Variants in IARS1 observed in about 807,000 individuals in gnomAD.
IARS1 encodes the protein isoleucine--tRNA ligase, cytoplasmic.
Under a neutral mutation model 168.2 loss-of-function variants are expected in IARS1, and 124 were observed. The observed-to-expected ratio is 0.74, with a 90% CI of 0.64 to 0.86. The LOEUF (loss-of-function observed/expected upper bound fraction) is 0.86, where lower values mean the gene tolerates loss of function less well. Ranked by LOEUF, IARS1 falls within the 40% of genes least tolerant of loss-of-function variation. The pLI is 0.00. For missense variants in IARS1, 1,452 were observed against 1,515.8 expected (o/e 0.96, Z 0.70); for synonymous variants, 532 against 529.4 (o/e 1.00, Z -0.07).
rs779862520 is a variant in IARS1, at chr9:92,271,639, C to T, written c.1007G>A (p.Cys336Tyr). ...PYFGAEDYRV[C>Y]MDFNIIRKDS... ...TTTCCGAATAATGTTAAAGTCCATA[C>T]AGACCCGATAGTCCTCCTGAGAAAA... The change falls in exon 11 of 34, where the codon TGT becomes TAT. Residue 336 changes from cysteine (C) to tyrosine (Y), a missense_variant. Transcript: ENST00000443024. The T allele has an allele frequency of 3.1e-6, 5 of 1,614,060 alleles. No individual in the cohort carries two copies. The Admixed American group carries it at 5.0e-5, about 16-fold the overall frequency.
At chr9:92,245,514 G>A (rs535069436) in intron 26 of IARS1, among the ~76,000 whole-genome samples, 7 of 152,268 alleles carry the variant, frequency 4.6e-5, no homozygotes, top group South Asian at 2.1e-4. Flanking sequence ...AAAATGAGAC[G>A]GGCAGTGTGT....
At chr9:92,257,333 C>G (rs1057351138) in intron 19 of IARS1, among the ~76,000 whole-genome samples, 1 of 152,220 alleles carries the variant, frequency 6.6e-6, no homozygotes, top group Non-Finnish European at 1.5e-5. Flanking sequence ...GCACCACAAC[C>G]AGGCTAGCGG....
chr9:92,252,335 T>A, intron 21 of IARS1: 1 of 503,234 alleles, frequency 2.0e-6, no homozygotes, highest in Admixed American at 2.1e-5. Context: ...TTGTTTTTCC[T>A]ACAATCATAA....
intron 30 of IARS1, among the ~76,000 whole-genome samples, chr9:92,239,632 G>A (rs1016270972): frequency 6.6e-6 from 1 of 152,202 alleles, no homozygotes; most frequent in African/African-American, 2.4e-5. Flanking sequence ...TGGGAGGGAT[G>A]CCTTGTTACT....
intron 7 of IARS1, 69 bp downstream of exon 7, chr9:92,280,677 C>A: frequency 1.0e-6 from 1 of 989,284 alleles, no homozygotes; most frequent in Non-Finnish European, 1.5e-6. Flanking sequence ...GAAAGGTAAG[C>A]TTTCATATTT....
Position 92,278,253 on chromosome 9 carries a change from T to G in IARS1, c.779A>C (p.Glu260Ala), listed in dbSNP as rs1834040327. The G allele has an allele frequency of 1.2e-6, 2 of 1,612,672 alleles. No individual in the cohort carries two copies. The highest frequency in any genetic ancestry group is 1.7e-6 in the Non-Finnish European group (2 of 1,178,678). ...TTTATAGAGGGCTGACAATCTGGCT[T>G]CCATTAAAATGAGTAATCGTCCTCT... ...VARGRLLILM[E>A]ARLSALYKLE... is the part of the protein sequence containing the mutation. Residue 260 changes from glutamate to alanine, a missense_variant, in exon 8 of 34, where the codon GAA becomes GCA. Coordinates refer to ENST00000443024, the MANE Select transcript of IARS1 (RefSeq NM_002161.6).
intron 31 of IARS1, among the ~76,000 whole-genome samples, chr9:92,228,020 C>T (rs1014090845): frequency 1.3e-4 from 20 of 152,066 alleles, no homozygotes; most frequent in South Asian, 4.1e-4. Context: ...GCTGAGATCA[C>T]GCCACTGCAC....
At chr9:92,279,257 G>A (rs1031683831) in intron 7 of IARS1, among the ~76,000 whole-genome samples, 1 of 152,208 alleles carries the variant, frequency 6.6e-6, no homozygotes, top group Non-Finnish European at 1.5e-5. Flanking sequence ...CATTGTAAGT[G>A]GGGACCACAG....
chr9:92,278,844 A>T (rs1341257303), intron 7 of IARS1, among the ~76,000 whole-genome samples: 2 of 152,176 alleles, frequency 1.3e-5, no homozygotes, highest in South Asian at 2.1e-4. Context: ...GCTCTATGGG[A>T]CGCTATTTTA....
At position 92,228,745 on chromosome 9, in the gene IARS1, C is replaced by G. The variant is rs115031466; in HGVS notation, c.3409+256G>C. ...AAAAACAACCTCACAACAGAGGACTCTGAAGCCTGAAGTCCACCAGCTAGC... is the reference window on the plus strand; with the variant it reads ...AAAAACAACCTCACAACAGAGGACTGTGAAGCCTGAAGTCCACCAGCTAGC... On this transcript the variant is annotated intron_variant, in intron 31 of 33. Transcript: ENST00000443024. 9.7e-3 allele frequency among the ~76,000 whole-genome samples: 1,479 copies of G among 152,182 alleles called. 22 individuals carry two copies. Among genetic ancestry groups the G allele is most frequent in the African/African-American group, 0.031 (1,300 of 41,496 alleles).
At position 92,223,425 on chromosome 9, in the gene IARS1, C is replaced by T. The variant is rs774780514; in HGVS notation, c.3474G>A (p.Ser1158=). The change falls in exon 32 of 34, where the codon TCG becomes TCA. Residue 1158 remains serine (S), a synonymous_variant. Transcript: ENST00000443024. The part of the protein sequence containing the change: ...SGKTLCVTAG[S]APSLINSSST... Reference sequence around the variant, plus strand: ...TAGAACTGTTGATCAGAGAGGGAGCCGATCCTGCAGTCACACAAAGTGTTT... The same window carrying T: ...TAGAACTGTTGATCAGAGAGGGAGCTGATCCTGCAGTCACACAAAGTGTTT... 1.2e-5 allele frequency: 20 copies of T among 1,613,796 alleles called. No homozygotes were observed. The highest frequency in any genetic ancestry group is 8.0e-5 in the African/African-American group (6 of 74,902).
chr9:92,288,083 TA>T (rs371858783), intron 3 of IARS1, 42 bp downstream of exon 3: 57 of 1,581,262 alleles, frequency 3.6e-5, no homozygotes, highest in Admixed American at 9.4e-5. Flanking sequence ...CTAATGCTTA[TA>T]AAAAAAATCA....
At chr9:92,220,853 G>A (rs1165925611) in intron 33 of IARS1, among the ~76,000 whole-genome samples, 2 of 151,836 alleles carry the variant, frequency 1.3e-5, no homozygotes, top group Non-Finnish European at 2.9e-5. Flanking sequence ...TGTAGTCCTA[G>A]CTAGGGAGGC....
At chr9:92,290,389 G>C (rs1836132041) in intron 1 of IARS1, among the ~76,000 whole-genome samples, 1 of 151,988 alleles carries the variant, frequency 6.6e-6, no homozygotes, top group African/African-American at 2.4e-5. Flanking sequence ...TTTTCTAATT[G>C]GGCTCTTTTT....
rs944630391 is a variant in IARS1 at position 92,258,763 on chromosome 9, A to G, written c.2016+91T>C. On this transcript the variant is annotated intron_variant, in intron 19 of 33. Coordinates refer to ENST00000443024, the MANE Select transcript of IARS1 (RefSeq NM_002161.6). ...TCAGGCAGCAGAGAACAGCAGCCCTAAAGTCTCACACAGAGCTCCACCTCA... is the reference window on the plus strand; with the variant it reads ...TCAGGCAGCAGAGAACAGCAGCCCTGAAGTCTCACACAGAGCTCCACCTCA... The G allele has an allele frequency of 7.5e-6, 10 of 1,331,614 alleles. No individual in the cohort carries two copies. In the Admixed American group the frequency reaches 1.4e-4, roughly 18 times the overall value. The allele number at this position is 1,331,614 out of a possible 1,614,324, so 82.5% of individuals were successfully genotyped here.
Position 92,249,925 on chromosome 9 carries a change from A to G in IARS1, c.2549T>C (p.Ile850Thr), listed in dbSNP as rs1829767445. Reference protein sequence around the residue: ...TIPIKYPLKEIVVIHQDPEAL... With the variant: ...TIPIKYPLKETVVIHQDPEAL... ...TTCTGGATCTTGATGGATAACCACAATTTCTTTCAAAGGATACTAGGAGGA... is the reference window on the plus strand; with the variant it reads ...TTCTGGATCTTGATGGATAACCACAGTTTCTTTCAAAGGATACTAGGAGGA... Residue 850 changes from isoleucine (I) to threonine (T), a missense_variant, in exon 25 of 34, where the codon ATT (isoleucine) becomes ACT (threonine). Physicochemically the swap from Ile to Thr is moderately conservative, Grantham distance 89. Coordinates refer to ENST00000443024, the MANE Select transcript of IARS1 (RefSeq NM_002161.6). 4 of 1,603,050 alleles carry G rather than the reference A, an allele frequency of 2.5e-6. No individual in the cohort carries two copies. Among genetic ancestry groups the G allele is most frequent in the South Asian group, 2.2e-5 (2 of 90,628 alleles).
chr9:92,227,347 G>A (rs1478452331), intron 31 of IARS1, among the ~76,000 whole-genome samples: 5 of 151,358 alleles, frequency 3.3e-5, no homozygotes, highest in Non-Finnish European at 4.4e-5. Context: ...GGTGGTGGCC[G>A]GGCAGAGGTG....
intron 14 of IARS1, 79 bp downstream of exon 14, chr9:92,268,095 T>C (rs1345556006): frequency 7.0e-7 from 1 of 1,436,950 alleles, no homozygotes; most frequent in South Asian, 1.5e-5. Flanking sequence ...AAACACCCTA[T>C]TCTTTTAAAC....
At position 92,285,788 on chromosome 9, in the gene IARS1, T is replaced by C; in HGVS notation, c.531A>G (p.Lys177=). 1 of 1,613,690 alleles carries C rather than the reference T, an allele frequency of 6.2e-7. No homozygotes were observed. The highest frequency in any genetic ancestry group is 8.5e-7 in the Non-Finnish European group (1 of 1,179,610). ...TACATGCCGTAGAGAAGGGCATGAC[T>C]TTCACACCTCTATAAACAAGGCCTT... is the stretch of plus-strand genomic sequence containing the variant. ...YDKGLVYRGV[K]VMPFSTACNT... The change falls in exon 6 of 34, where the codon AAA becomes AAG. Residue 177 remains lysine, a synonymous_variant. Coordinates refer to ENST00000443024, the MANE Select transcript of IARS1 (RefSeq NM_002161.6).
Sources: allele counts gnomAD v4.1 joint callset (sites outside exome capture counted in the v4.1 genomes callset), GRCh38; gene constraint gnomAD v4.1.1; transcripts MANE v1.5; gene names NCBI Gene and HGNC (gene_info 2026-07-23, HGNC 2026-07-21).